Variants in C10orf90 observed in about 807,000 individuals in gnomAD.
C10orf90 encodes the protein (E2-independent) E3 ubiquitin-conjugating enzyme FATS.
Under a neutral mutation model 62.5 loss-of-function variants are expected in C10orf90, and 56 were observed. The ratio of observed to expected loss-of-function variants is 0.90; its 90% confidence interval spans 0.72 to 1.12. The LOEUF is 1.12. Among genes scored for constraint, C10orf90 ranks in the 50% most tolerant of loss-of-function variants. The probability of loss-of-function intolerance (pLI) is 0.00; values close to 1 mark genes in which losing one functional copy is unlikely to be tolerated. For synonymous variants in C10orf90, 386 were observed against 340.4 expected (o/e 1.13, Z -1.47); for missense variants, 970 against 880.4 (o/e 1.10, Z -1.29).
chr10:126,574,525 A>C lies in C10orf90; in HGVS notation c.314-60586T>G, dbSNP rs370055499. 2.6e-5 allele frequency among the ~76,000 whole-genome samples: 4 copies of C among 152,232 alleles called. No individual in the cohort carries two copies. The East Asian group carries it at 5.8e-4, about 22-fold the overall frequency. On this transcript the variant is annotated intron_variant, in intron 2 of 9. Coordinates refer to ENST00000488181, the MANE Select transcript of C10orf90 (RefSeq NM_001350921.2). ...ATGCAAAAATTTTAAACAAAATATC[A>C]GCAAATCAAAGCAAGTAATATGTAA... is the stretch of plus-strand genomic sequence containing the variant.
At chr10:126,651,974 T>C (rs1295541273) in intron 1 of C10orf90, among the ~76,000 whole-genome samples, 3 of 152,146 alleles carry the variant, frequency 2.0e-5, no homozygotes, top group Admixed American at 6.6e-5. Flanking sequence ...GGACTGATGA[T>C]TGGTTGGTGA....
Position 126,504,788 on chromosome 10 carries a change from C to A in C10orf90, c.703G>T (p.Ala235Ser). ...RPCGGPRRGFASITITARRVG... is the reference protein window; with the variant it reads ...RPCGGPRRGFSSITITARRVG... ...CGTCTGGCCGTGATGGTGATGGATG[C>A]AAACCCTCTGCGGGGGCCCCCACAG... is the stretch of plus-strand genomic sequence containing the variant. Residue 235 changes from alanine (A) to serine (S), a missense_variant, in exon 4 of 10, where the codon GCA becomes TCA. Coordinates refer to ENST00000488181, the MANE Select transcript of C10orf90 (RefSeq NM_001350921.2). The surrounding 1 kb of genome is among the most constrained non-coding windows in gnomAD (Gnocchi z 4.1). 6.3e-7 allele frequency: 1 copy of A among 1,585,702 alleles called. No homozygotes were observed. Among genetic ancestry groups the A allele is most frequent in the South Asian group, 1.2e-5 (1 of 85,714 alleles).
chr10:126,503,416 A>G (rs1465076516), intron 4 of C10orf90, among the ~76,000 whole-genome samples: 1 of 152,164 alleles, frequency 6.6e-6, no homozygotes, highest in Non-Finnish European at 1.5e-5. Flanking sequence ...AATTTAGAAA[A>G]TGTCCTATAA....
At chr10:126,644,336 T>C (rs1341277720) in intron 2 of C10orf90, among the ~76,000 whole-genome samples, 4 of 152,228 alleles carry the variant, frequency 2.6e-5, no homozygotes, top group African/African-American at 9.6e-5. Flanking sequence ...TCTTACCGTT[T>C]TAAACAAGTG....
At chr10:126,632,239 T>C (rs553618862) in intron 2 of C10orf90, among the ~76,000 whole-genome samples, 1 of 151,882 alleles carries the variant, frequency 6.6e-6, no homozygotes, top group East Asian at 2.0e-4. Context: ...TCTAATGCTG[T>C]GTTGGGTGCT....
intron 2 of C10orf90, among the ~76,000 whole-genome samples, chr10:126,543,969 G>C (rs903979651): frequency 1.3e-5 from 2 of 152,182 alleles, no homozygotes; most frequent in Non-Finnish European, 2.9e-5. Flanking sequence ...AGCTAGGTAG[G>C]ACTAGGGCAA....
chr10:126,446,894 G>A (rs1315244462), intron 7 of C10orf90, among the ~76,000 whole-genome samples: 1 of 152,012 alleles, frequency 6.6e-6, no homozygotes. Flanking sequence ...TGTGAGGAGA[G>A]GAAGTAAAAG....
intron 7 of C10orf90, among the ~76,000 whole-genome samples, chr10:126,441,726 T>C (rs973700193): frequency 6.6e-6 from 1 of 152,164 alleles, no homozygotes; most frequent in Non-Finnish European, 1.5e-5. Context: ...TGGGGCCCTA[T>C]CTTCAGCCTC....
chr10:126,565,177 ATGT>A (rs1844324773), intron 2 of C10orf90, among the ~76,000 whole-genome samples: 2 of 69,496 alleles, frequency 2.9e-5, no homozygotes, highest in Non-Finnish European at 5.0e-5. Flanking sequence ...ATTACATATT[ATGT>A]AATATAATAT....
At chr10:126,492,057 C>T (rs544556299) in intron 4 of C10orf90, among the ~76,000 whole-genome samples, 4 of 152,280 alleles carry the variant, frequency 2.6e-5, no homozygotes, top group African/African-American at 9.6e-5. Flanking sequence ...CATCCTGGAT[C>T]GGATCCTGGA....
At chr10:126,615,141 A>G (rs1321141053) in intron 2 of C10orf90, among the ~76,000 whole-genome samples, 1 of 152,166 alleles carries the variant, frequency 6.6e-6, no homozygotes, top group African/African-American at 2.4e-5. Context: ...AAAGGTTTCC[A>G]GAAATTAGAG....
chr10:126,568,764 A>AG (rs1385127036), intron 2 of C10orf90, among the ~76,000 whole-genome samples: 1 of 152,176 alleles, frequency 6.6e-6, no homozygotes, highest in Non-Finnish European at 1.5e-5. Context: ...GGGGAAGCCA[A>AG]GGGGCTCACA....
At chr10:126,474,953 G>A (rs1267847480) in intron 4 of C10orf90, among the ~76,000 whole-genome samples, 2 of 152,200 alleles carry the variant, frequency 1.3e-5, no homozygotes, top group African/African-American at 4.8e-5. Context: ...GAGGGGTGAG[G>A]CCAGTGGGGA....
At chr10:126,600,741 T>C (rs1845183020) in intron 2 of C10orf90, among the ~76,000 whole-genome samples, 1 of 152,142 alleles carries the variant, frequency 6.6e-6, no homozygotes, top group Non-Finnish European at 1.5e-5. Context: ...TGTGTGTGTG[T>C]GCATGTGTAT....
chr10:126,504,815 G>T lies in C10orf90; in HGVS notation c.676C>A (p.Pro226Thr), dbSNP rs748860966. 6.3e-6 allele frequency: 10 copies of T among 1,597,116 alleles called. 1 individual carries two copies. In the East Asian group the frequency reaches 1.3e-4, roughly 21 times the overall value. Residue 226 changes from proline to threonine, a missense_variant, in exon 4 of 10, where the codon CCC becomes ACC. Pro to Thr is a conservative substitution (Grantham distance 38, BLOSUM62 -1). Coordinates refer to ENST00000488181, the MANE Select transcript of C10orf90 (RefSeq NM_001350921.2). This position sits in a 1 kb window ranked among gnomAD's most constrained non-coding sequence, Gnocchi z 4.1. ...AACCCTCTGCGGGGGCCCCCACAGG[G>T]TCTCTCCTCTTTGGGCGGCAGCTCT... is the stretch of plus-strand genomic sequence containing the variant. ...EAELPPKEERPCGGPRRGFAS... is the reference protein window; with the variant it reads ...EAELPPKEERTCGGPRRGFAS...
At chr10:126,538,394 G>A (rs914447598) in intron 2 of C10orf90, among the ~76,000 whole-genome samples, 13 of 152,134 alleles carry the variant, frequency 8.5e-5, no homozygotes, top group African/African-American at 9.7e-5. Context: ...GATTGTCATC[G>A]AACCACAGGA....
chr10:126,633,990 C>T (rs1013288276), intron 2 of C10orf90, among the ~76,000 whole-genome samples: 13 of 152,082 alleles, frequency 8.5e-5, no homozygotes, highest in Non-Finnish European at 1.2e-4. Context: ...TAAGTTTTGG[C>T]GAAGAAGCAG....
intron 4 of C10orf90, among the ~76,000 whole-genome samples, chr10:126,501,275 C>T (rs1202270792): frequency 1.3e-5 from 2 of 152,210 alleles, no homozygotes; most frequent in Non-Finnish European, 2.9e-5. Context: ...AGTCAATGAG[C>T]TGTGCTGGTA....
At chr10:126,585,599 A>C (rs1284368285) in intron 2 of C10orf90, among the ~76,000 whole-genome samples, 1 of 152,150 alleles carries the variant, frequency 6.6e-6, no homozygotes, top group Non-Finnish European at 1.5e-5. Context: ...AAAGGAAAGA[A>C]GGATGGATGG....
Sources: gnomAD v4.1 joint callset for allele counts (sites outside exome capture counted in the v4.1 genomes callset) on GRCh38, gnomAD v4.1.1 for gene constraint, Gnocchi (gnomAD v3.1) non-coding constraint, MANE v1.5 for transcripts, NCBI Gene and HGNC (gene_info 2026-07-23, HGNC 2026-07-21) for gene names.